The following OMA1 variants were observed in gnomAD, a reference collection of about 807,000 sequenced individuals.
OMA1 encodes the protein OMA1 zinc metallopeptidase.
A neutral mutation model predicts 30.9 loss-of-function variants in OMA1; 38 were observed. That is an observed-to-expected ratio of 1.23 (90% CI 0.95 to 1.61). The LOEUF (loss-of-function observed/expected upper bound fraction) is 1.61, where lower values mean the gene tolerates loss of function less well. Ranked by LOEUF, OMA1 falls within the 40% of genes most tolerant of loss-of-function variation. OMA1 has a pLI of 0.00. For synonymous variants in OMA1, 173 were observed against 121.9 expected, an observed-to-expected ratio of 1.42 and a Z score of -2.76; for missense variants, 461 against 349.2, an observed-to-expected ratio of 1.32 and a Z score of -2.55.
intron 7 of OMA1, among the ~76,000 whole-genome samples, chr1:58,513,798 T>TGG (rs1646118665): frequency 6.6e-6 from 1 of 152,218 alleles, no homozygotes; most frequent in Middle Eastern, 3.2e-3. Flanking sequence ...CAACTTCATG[T>TGG]GGTAAGTACT....
chr1:58,524,231 T>G (rs1259574094), intron 7 of OMA1, among the ~76,000 whole-genome samples: 2 of 152,230 alleles, frequency 1.3e-5, no homozygotes, highest in African/African-American at 2.4e-5. Flanking sequence ...TTCATCTGCA[T>G]TAAAAACCTG....
chr1:58,481,273 T>C, intron 8 of OMA1, 99 bp from the exon 9 acceptor site: 2 of 448,824 alleles, frequency 4.5e-6, no homozygotes, highest in Non-Finnish European at 3.8e-6. Flanking sequence ...AAACAAAGAA[T>C]GTATTGTTAT....
intron 8 of OMA1, among the ~76,000 whole-genome samples, chr1:58,489,975 A>G (rs1359049384): frequency 2.0e-5 from 3 of 152,324 alleles, no homozygotes; most frequent in East Asian, 3.9e-4. Flanking sequence ...AGGTAGATAA[A>G]ACCATAAAGA....
intron 8 of OMA1, among the ~76,000 whole-genome samples, chr1:58,503,647 G>A (rs1405686329): frequency 1.3e-5 from 2 of 151,962 alleles, no homozygotes; most frequent in Non-Finnish European, 2.9e-5. Context: ...AGGCTTTTGA[G>A]AGCTCCCTTG....
chr1:58,513,783 C>T (rs752786766), intron 7 of OMA1, among the ~76,000 whole-genome samples: 21 of 152,200 alleles, frequency 1.4e-4, no homozygotes, highest in Non-Finnish European at 2.4e-4. Flanking sequence ...ATTTAATCCT[C>T]ATAACAACTT....
In OMA1 at chr1:58,481,009, G is replaced by A. The variant is rs370772407; in HGVS notation, c.1531C>T (p.Gln511Ter). The A allele has an allele frequency of 6.9e-6, 6 of 870,754 alleles. No homozygotes were observed. Among genetic ancestry groups the A allele is most frequent in the Non-Finnish European group, 1.2e-5 (6 of 500,968 alleles). 53.9% of individuals were successfully genotyped at this position (870,754 alleles called of 1,614,324 possible). A position where few individuals can be genotyped will look rare whatever the true frequency, so the allele number is the denominator to read the frequency against. The change falls in exon 9 of 9, where the codon CAA (glutamine) becomes TAA (stop). Residue 511 changes from glutamine (Q) to a stop codon, truncating the protein, a stop_gained. Coordinates refer to ENST00000371226, the MANE Select transcript of OMA1 (RefSeq NM_145243.5). LOFTEE classifies it high-confidence loss of function. ...MDTLPIQKQEQIPLTYIVEKR... is the reference protein window; with the variant it reads ...MDTLPIQKQE The stretch of plus-strand genomic sequence containing the variant: ...TCAACTATGTATGTTAATGGTATTT[G>A]CTCCTGTTTTTGAATAGGAAGAGTA...
intron 1 of OMA1, among the ~76,000 whole-genome samples, chr1:58,539,608 T>C (rs1329696833): frequency 2.0e-5 from 3 of 152,240 alleles, no homozygotes; most frequent in Non-Finnish European, 4.4e-5. Flanking sequence ...ATTTGAGCAA[T>C]AAAGTGGATT....
rs1646563512 is a variant in OMA1 at position 58,539,119 on chromosome 1, T to C, written c.176A>G (p.Asp59Gly). 1.1e-6 allele frequency: 1 copy of C among 873,002 alleles called. No individual in the cohort carries two copies. Among genetic ancestry groups the C allele is most frequent in the South Asian group, 1.3e-5 (1 of 76,542 alleles). 54.1% of individuals were successfully genotyped at this position (873,002 alleles called of 1,614,324 possible). Residue 59 changes from aspartate (D) to glycine (G), a missense_variant, in exon 2 of 9, where the codon GAC becomes GGC. By Grantham distance (94) the Asp-to-Gly change is moderately conservative (BLOSUM62 -1). Transcript: ENST00000371226. ...GTTTCCAGGCAGAAAACTCCACCTG[T>C]CACACTGATTTACTCCCAGTCCCTG... ...KYQGLGVNQC[D>G]RWSFLPGNFH... is the part of the protein sequence containing the mutation.
At chr1:58,505,927 T>C (rs190336299) in intron 8 of OMA1, 133 bp downstream of exon 8, 6,333 of 542,864 alleles carry the variant, frequency 0.012, 60 homozygotes, top group Non-Finnish European at 0.016. Flanking sequence ...CTGTGACAAC[T>C]GATAATCCAT....
At chr1:58,546,425 C>G (rs1387190377) in intron 1 of OMA1, among the ~76,000 whole-genome samples, 1 of 152,152 alleles carries the variant, frequency 6.6e-6, no homozygotes, top group Non-Finnish European at 1.5e-5. Context: ...ACGGGGTCAC[C>G]GGCGTGCCCC....
At chr1:58,516,785 C>T (rs755672275) in intron 7 of OMA1, among the ~76,000 whole-genome samples, 1 of 152,170 alleles carries the variant, frequency 6.6e-6, no homozygotes. Flanking sequence ...ACCAAGCTCA[C>T]AAGATTGACA....
intron 8 of OMA1, among the ~76,000 whole-genome samples, chr1:58,500,318 G>GA: frequency 6.6e-6 from 1 of 152,198 alleles, no homozygotes; most frequent in Non-Finnish European, 1.5e-5. Flanking sequence ...CAGACAAAAT[G>GA]AAATTCTGTA....
intron 7 of OMA1, among the ~76,000 whole-genome samples, chr1:58,513,501 A>C (rs971041245): frequency 2.0e-5 from 3 of 152,144 alleles, no homozygotes; most frequent in African/African-American, 7.2e-5. Context: ...AAAGAATTAG[A>C]CTCTAGGTAA....
rs138133533 is a variant in OMA1 at position 58,529,981 on chromosome 1, C to T, written c.1140+620G>A. Among the ~76,000 whole-genome samples, 1,400 of 151,958 alleles carry T rather than the reference C, an allele frequency of 9.2e-3. 31 individuals carry two copies. The highest frequency in any genetic ancestry group is 0.073 in the East Asian group (375 of 5,150). ...CAGCAAGCTCTGCCTCCTGGGTTCACGCCATTCTCCTGCCTCAGCCTCCCA... is the reference window on the plus strand; with the variant it reads ...CAGCAAGCTCTGCCTCCTGGGTTCATGCCATTCTCCTGCCTCAGCCTCCCA... On this transcript the variant is annotated intron_variant, in intron 6 of 8. Coordinates refer to ENST00000371226, the MANE Select transcript of OMA1 (RefSeq NM_145243.5).
intron 5 of OMA1, among the ~76,000 whole-genome samples, chr1:58,533,695 TA>T (rs1430905179): frequency 4.6e-5 from 7 of 152,162 alleles, no homozygotes; most frequent in African/African-American, 1.2e-4. Flanking sequence ...GGGTTGAGAA[TA>T]ATTACGTTTT....
intron 2 of OMA1, among the ~76,000 whole-genome samples, chr1:58,538,482 CATAAAT>C (rs1176720462): frequency 4.0e-5 from 6 of 149,356 alleles, no homozygotes; most frequent in South Asian, 2.1e-4. Flanking sequence ...ATTTTGTAGT[CATAAAT>C]ATAAGATTTT....
At chr1:58,481,525 A>G (rs1385420065) in intron 8 of OMA1, among the ~76,000 whole-genome samples, 3 of 152,206 alleles carry the variant, frequency 2.0e-5, no homozygotes, top group Admixed American at 2.0e-4. Flanking sequence ...AAAAGGCTCT[A>G]TGAGAGATTT....
At chr1:58,526,565 T>C (rs894387938) in intron 7 of OMA1, among the ~76,000 whole-genome samples, 1 of 99,542 alleles carries the variant, frequency 1.0e-5, no homozygotes, top group Non-Finnish European at 2.0e-5. Flanking sequence ...TCAACTTAAA[T>C]AAAAGTAAAG....
Position 58,506,197 on chromosome 1 carries a change from T to TG in OMA1, c.1227dup (p.Ile410HisfsTer15), listed in dbSNP as rs1557445115. 1.1e-6 allele frequency: 1 copy of TG among 870,246 alleles called. No homozygotes were observed. Among genetic ancestry groups the TG allele is most frequent in the Admixed American group, 1.7e-5 (1 of 59,164 alleles). The allele number at this position is 870,246 out of a possible 1,614,324, so 53.9% of individuals were successfully genotyped here. ...TGCCAAAACACTGAACTGGCTCTTA[T>TG]GTCTGCACAAGCCTAAAACCAAAAT... On this transcript the variant is annotated frameshift_variant, in exon 8 of 9. Transcript: ENST00000371226. LOFTEE classifies it high-confidence loss of function.
Sources: allele counts gnomAD v4.1 joint callset (sites outside exome capture counted in the v4.1 genomes callset), GRCh38; gene constraint gnomAD v4.1.1; transcripts MANE v1.5; gene names NCBI Gene and HGNC (gene_info 2026-07-23, HGNC 2026-07-21).